The following KIF21A variants were observed in gnomAD, a reference collection of about 807,000 sequenced individuals.
KIF21A encodes kinesin-like protein KIF21A.
In KIF21A, 114 loss-of-function variants were observed where a neutral mutation model predicts 202.9. The observed-to-expected ratio is 0.56, with a 90% CI of 0.48 to 0.66. The LOEUF (loss-of-function observed/expected upper bound fraction) is 0.66, where lower values mean the gene tolerates loss of function less well. KIF21A is among the 30% of genes least tolerant of loss of function. KIF21A has a pLI of 0.00. For missense variants in KIF21A, 1,677 were observed against 1,994.9 expected (o/e 0.84, Z 3.04); for synonymous variants, 667 against 670.8 (o/e 0.99, Z 0.09).
At position 39,332,912 on chromosome 12, in the gene KIF21A, G is replaced by A; in HGVS notation, c.2683C>T (p.Pro895Ser). ...GTAGACCTGTTTCCATTTGTTGCCGGCGTTGGTAAGGCCTGGACTCTCGCC... is the reference window on the plus strand; with the variant it reads ...GTAGACCTGTTTCCATTTGTTGCCGACGTTGGTAAGGCCTGGACTCTCGCC... The part of the protein sequence containing the change: ...PVARVQALPT[P>S]ATNGNRKKYQ... The change falls in exon 19 of 38, where the codon CCG (proline) becomes TCG (serine). Residue 895 changes from proline to serine, a missense_variant. Pro to Ser is a moderately conservative substitution (Grantham distance 74). This residue lies in a region of KIF21A where 966 missense variants were observed against 1,180.9 expected (regional missense o/e 0.82). Coordinates refer to ENST00000361418, the MANE Select transcript of KIF21A (RefSeq NM_001173464.2). 8 of 1,613,764 alleles carry A rather than the reference G, an allele frequency of 5.0e-6. No individual in the cohort carries two copies. The highest frequency in any genetic ancestry group is 6.8e-6 in the Non-Finnish European group (8 of 1,179,986).
At chr12:39,319,551 C>T (rs770259221) in intron 28 of KIF21A, among the ~76,000 whole-genome samples, 4 of 152,188 alleles carry the variant, frequency 2.6e-5, no homozygotes, top group East Asian at 1.9e-4. Context: ...ATGGCAATGA[C>T]GGTCAAAATT....
intron 1 of KIF21A, among the ~76,000 whole-genome samples, chr12:39,436,450 T>TATATATATATATATGTATATATA (rs1424166622): frequency 1.6e-5 from 1 of 60,828 alleles, no homozygotes; most frequent in Admixed American, 1.7e-4. Flanking sequence ...ATATATATAT[T>TATATATATATATATGTATATATA]TTTTTTTTTT....
rs555357938 is a variant in KIF21A, at chr12:39,404,477, A to G, written c.45-34216T>C. On this transcript the variant is annotated intron_variant, in intron 1 of 37. Transcript: ENST00000361418. ...ACATATTTGGGGTATTCATTTCACT[A>G]CTGTAAGTAGTGCTTAAGATAATCT... 1.3e-4 allele frequency among the ~76,000 whole-genome samples: 20 copies of G among 152,344 alleles called. No individual in the cohort carries two copies. The South Asian group carries it at 4.1e-3, about 32-fold the overall frequency.
chr12:39,382,463 TA>T (rs1950673441), intron 1 of KIF21A, among the ~76,000 whole-genome samples: 1 of 152,086 alleles, frequency 6.6e-6, no homozygotes, highest in African/African-American at 2.4e-5. Context: ...GCCAATAAAA[TA>T]AAAACATGAG....
At chr12:39,347,989 A>C (rs1458230837) in intron 11 of KIF21A, among the ~76,000 whole-genome samples, 2 of 152,084 alleles carry the variant, frequency 1.3e-5, no homozygotes, top group East Asian at 3.8e-4. Context: ...TGGCTCAGAG[A>C]ATGTGATTCC....
chr12:39,388,079 A>G (rs1049832531), intron 1 of KIF21A, among the ~76,000 whole-genome samples: 3 of 152,146 alleles, frequency 2.0e-5, no homozygotes, highest in Admixed American at 6.5e-5. Context: ...GTCTCCCACA[A>G]ACTTCTGGTT....
intron 35 of KIF21A, among the ~76,000 whole-genome samples, chr12:39,304,602 T>C (rs372325236): frequency 1.5e-3 from 234 of 152,332 alleles, no homozygotes; most frequent in African/African-American, 5.5e-3. Flanking sequence ...AAAAGAGCTT[T>C]AAAATGTTTT....
chr12:39,330,890 C>A lies in KIF21A; in HGVS notation c.3175G>T (p.Glu1059Ter). ...CCTTCCAGTACTTTAATTTGAGCCT[C>A]TTTCTGGGCAGCCTGAAGACCCTGA... ...INKGLQAAQKEAQIKVLEGRL... is the reference protein window; with the variant it reads ...INKGLQAAQK The change falls in exon 23 of 38, where the codon GAG (glutamate) becomes TAG (stop). Residue 1059 changes from glutamate to a stop codon, truncating the protein, a stop_gained. Transcript: ENST00000361418. LOFTEE classifies it high-confidence loss of function. 1 of 1,613,950 alleles carries A rather than the reference C, an allele frequency of 6.2e-7. No homozygotes were observed. The highest frequency in any genetic ancestry group is 8.5e-7 in the Non-Finnish European group (1 of 1,179,890).
chr12:39,347,075 A>G (rs961809783), intron 11 of KIF21A, among the ~76,000 whole-genome samples: 1 of 152,040 alleles, frequency 6.6e-6, no homozygotes, highest in South Asian at 2.1e-4. Context: ...TTTCAAAGTT[A>G]TACATGAAAT....
intron 14 of KIF21A, 56 bp downstream of exon 14, chr12:39,341,449 A>G: frequency 1.3e-6 from 2 of 1,536,256 alleles, no homozygotes; most frequent in Non-Finnish European, 1.8e-6. Context: ...GTTTTCTGTC[A>G]TGGTTTAAAC....
At chr12:39,331,556 T>C (rs1488225884) in intron 22 of KIF21A, 134 bp downstream of exon 22, 3 of 689,658 alleles carry the variant, frequency 4.3e-6, no homozygotes, top group Admixed American at 2.1e-5. Context: ...TAAAGAAAGG[T>C]AAAAGAAATA....
chr12:39,313,285 A>G (rs1036899403), intron 31 of KIF21A, among the ~76,000 whole-genome samples: 1 of 151,888 alleles, frequency 6.6e-6, no homozygotes, highest in Non-Finnish European at 1.5e-5. Flanking sequence ...CAGAAACTCA[A>G]CTTCTCGTTG....
chr12:39,342,414 A>G (rs920473552), intron 12 of KIF21A, among the ~76,000 whole-genome samples: 5 of 152,134 alleles, frequency 3.3e-5, no homozygotes, highest in Non-Finnish European at 7.4e-5. Context: ...AACTAGTCAC[A>G]GTAGCAGCCA....
intron 1 of KIF21A, among the ~76,000 whole-genome samples, chr12:39,376,220 C>A (rs892758266): frequency 5.4e-4 from 82 of 152,212 alleles, no homozygotes; most frequent in African/African-American, 1.8e-3. Context: ...CAGATATACA[C>A]ACATACATTG....
chr12:39,412,937 T>C (rs908647419), intron 1 of KIF21A, among the ~76,000 whole-genome samples: 2 of 152,232 alleles, frequency 1.3e-5, no homozygotes, highest in Non-Finnish European at 2.9e-5. Context: ...AAAACTCTCA[T>C]GCATTTGTGA....
chr12:39,402,099 T>C (rs760537422), intron 1 of KIF21A, among the ~76,000 whole-genome samples: 36 of 152,194 alleles, frequency 2.4e-4, no homozygotes, highest in Non-Finnish European at 3.8e-4. Flanking sequence ...TTCTGGGTAA[T>C]TGGCAAAGGG....
intron 24 of KIF21A, among the ~76,000 whole-genome samples, chr12:39,327,088 GT>G (rs991949119): frequency 1.3e-5 from 2 of 151,976 alleles, no homozygotes; most frequent in Non-Finnish European, 2.9e-5. Context: ...ATAGGTGTAG[GT>G]TTTTTTAATG....
chr12:39,294,554 A>C, intron 37 of KIF21A, 37 bp from the exon 38 acceptor site: 1 of 1,450,374 alleles, frequency 6.9e-7, no homozygotes, highest in Non-Finnish European at 9.7e-7. Context: ...TATATGAACA[A>C]GGGCAGAAAG....
intron 1 of KIF21A, among the ~76,000 whole-genome samples, chr12:39,400,891 AT>A (rs769267029): frequency 6.6e-6 from 1 of 152,216 alleles, no homozygotes; most frequent in Non-Finnish European, 1.5e-5. Flanking sequence ...AAAATGACCA[AT>A]TATACCAAAG....
Sources: gnomAD v4.1 joint callset for allele counts (sites outside exome capture counted in the v4.1 genomes callset) on GRCh38, gnomAD v4.1.1 for gene constraint, gnomAD v4.1.1 regional missense constraint, MANE v1.5 for transcripts, NCBI Gene and HGNC (gene_info 2026-07-23, HGNC 2026-07-21) for gene names.